The following GOLGA1 variants were observed in gnomAD, a reference collection of about 807,000 sequenced individuals.
GOLGA1 encodes golgin subfamily A member 1.
GOLGA1 carries 63 observed loss-of-function variants against 119.7 expected under a neutral mutation model. That is an observed-to-expected ratio of 0.53 (90% CI 0.43 to 0.65). The LOEUF is 0.65. Among genes scored for constraint, GOLGA1 ranks in the 30% least tolerant of loss-of-function variants. The probability of loss-of-function intolerance (pLI) is 0.00; values close to 1 mark genes in which losing one functional copy is unlikely to be tolerated. For missense variants in GOLGA1, 798 were observed against 912.8 expected (o/e 0.87, Z 1.62); for synonymous variants, 318 against 333.4 (o/e 0.95, Z 0.50).
intron 12 of GOLGA1, among the ~76,000 whole-genome samples, chr9:124,902,725 G>T (rs1238585561): frequency 6.6e-6 from 1 of 150,992 alleles, no homozygotes; most frequent in Non-Finnish European, 1.5e-5. Context: ...TCCTGACCTT[G>T]TGATCCGCCC....
chr9:124,925,661 C>A (rs566734464), intron 7 of GOLGA1, among the ~76,000 whole-genome samples: 2 of 151,980 alleles, frequency 1.3e-5, no homozygotes, highest in Admixed American at 1.3e-4. Context: ...TGAGGCTGCA[C>A]TGAGCTGTGA....
upstream of GOLGA1, chr9:124,943,421 T>C (rs1271899698): frequency 6.6e-6 from 1 of 152,222 alleles, no homozygotes; most frequent in Admixed American, 6.5e-5. Flanking sequence ...AATAGCTAAA[T>C]AGGCAACCAA....
chr9:124,890,563 C>A, intron 15 of GOLGA1, 85 bp from the exon 16 acceptor site: 1 of 1,013,430 alleles, frequency 9.9e-7, no homozygotes, highest in Non-Finnish European at 1.6e-6. Context: ...GCAGACAGGG[C>A]ATGGCTTTGC....
At chr9:124,945,082 G>C (rs1831124053), upstream of GOLGA1, 1 of 152,020 alleles carries the variant, frequency 6.6e-6, no homozygotes, top group Non-Finnish European at 1.5e-5. Context: ...AGACAGACTG[G>C]AATTGTCCAC....
chr9:124,888,107 G>C lies in GOLGA1; in HGVS notation c.1905+146C>G, dbSNP rs1829767098. Reference sequence around the variant, plus strand: ...CAGTGCAGGAGGAACGGAAGATCAGGAGGAAGGCCTTTGGGTGAGAGGGGT... The same window carrying C: ...CAGTGCAGGAGGAACGGAAGATCAGCAGGAAGGCCTTTGGGTGAGAGGGGT... On this transcript the variant is annotated intron_variant, in intron 19 of 22. Coordinates refer to ENST00000373555, the MANE Select transcript of GOLGA1 (RefSeq NM_002077.4). The surrounding 1 kb of genome is among the most constrained non-coding windows in gnomAD (Gnocchi z 4.4). The C allele has an allele frequency of 1.2e-5, 9 of 727,328 alleles. 1 individual carries two copies. The highest frequency in any genetic ancestry group is 3.4e-4 in the Middle Eastern group (1 of 2,980). 45.1% of individuals were successfully genotyped at this position (727,328 alleles called of 1,614,324 possible). A position where few individuals can be genotyped will look rare whatever the true frequency, so the allele number is the denominator to read the frequency against.
chr9:124,941,194 G>C (rs1337611327), upstream of GOLGA1: 4 of 152,298 alleles, frequency 2.6e-5, no homozygotes, highest in African/African-American at 4.8e-5. Context: ...ACCTCTGAGC[G>C]GCGACTGGGC....
chr9:124,935,658 G>GT (rs767634457), intron 3 of GOLGA1, among the ~76,000 whole-genome samples: 15 of 151,764 alleles, frequency 9.9e-5, no homozygotes, highest in Admixed American at 3.3e-4. Flanking sequence ...CTAGCCAAGT[G>GT]TGGCGGTGTG....
chr9:124,905,342 A>C (rs948036538), intron 12 of GOLGA1, among the ~76,000 whole-genome samples: 3 of 152,006 alleles, frequency 2.0e-5, no homozygotes, highest in Admixed American at 6.6e-5. Flanking sequence ...GGCATCTTTT[A>C]ACCCAGCTAC....
At chr9:124,911,194 T>C (rs922031597) in intron 11 of GOLGA1, among the ~76,000 whole-genome samples, 1 of 152,182 alleles carries the variant, frequency 6.6e-6, no homozygotes, top group African/African-American at 2.4e-5. Context: ...GAGAGACTGA[T>C]GCTGGGTAGG....
chr9:124,938,742 C>T lies in GOLGA1; in HGVS notation c.-31G>A, dbSNP rs768941334. ...CTGTGTGGCTATCCTGCACAGATGA[C>T]GAGCTCTCAGTAGTCCTGGTGCCTG... On this transcript the variant is annotated 5_prime_UTR_variant, in exon 3 of 23. Transcript: ENST00000373555. 53 of 1,598,586 alleles carry T rather than the reference C, an allele frequency of 3.3e-5. No homozygotes were observed. In the South Asian group the frequency reaches 5.0e-4, roughly 15 times the overall value.
intron 15 of GOLGA1, among the ~76,000 whole-genome samples, chr9:124,891,199 C>CG (rs1829847365): frequency 1.3e-5 from 2 of 152,270 alleles, no homozygotes; most frequent in Admixed American, 1.3e-4. Context: ...CTCAGAGCCA[C>CG]CTAAGATCCA....
At chr9:124,925,603 T>C (rs1374713967) in intron 7 of GOLGA1, among the ~76,000 whole-genome samples, 1 of 151,982 alleles carries the variant, frequency 6.6e-6, no homozygotes, top group Non-Finnish European at 1.5e-5. Flanking sequence ...CCTGCAGTCC[T>C]GGCTACTCAG....
chr9:124,944,310 T>A (rs1831106820), upstream of GOLGA1: 2 of 151,446 alleles, frequency 1.3e-5, no homozygotes, highest in Admixed American at 1.3e-4. Context: ...CTTTTTTTTT[T>A]TTTTTTGAGA....
rs371409263 is a variant in GOLGA1 at position 124,929,188 on chromosome 9, T to C, written c.301+28A>G. The stretch of plus-strand genomic sequence containing the variant: ...TTTCAAAAACTAAACCTTGAAAAGA[T>C]TGAAAAAAGCAGGAAAAAAATACGT... On this transcript the variant is annotated intron_variant, in intron 5 of 22. Coordinates refer to ENST00000373555, the MANE Select transcript of GOLGA1 (RefSeq NM_002077.4). The C allele has an allele frequency of 2.4e-5, 33 of 1,375,562 alleles. 1 individual carries two copies. Among genetic ancestry groups the C allele is most frequent in the Admixed American group, 6.7e-5 (4 of 59,326 alleles). The allele number at this position is 1,375,562 out of a possible 1,614,324, so 85.2% of individuals were successfully genotyped here.
At chr9:124,899,602 C>T in intron 13 of GOLGA1, 124 bp from the exon 14 acceptor site, 1 of 973,366 alleles carries the variant, frequency 1.0e-6, no homozygotes, top group South Asian at 1.6e-5. Context: ...CCCATCCCCC[C>T]TGGCGTTGCT....
In GOLGA1 at chr9:124,926,742, C is replaced by T; in HGVS notation, c.400-1G>A. 1 of 1,549,448 alleles carries T rather than the reference C, an allele frequency of 6.5e-7. No homozygotes were observed. The highest frequency in any genetic ancestry group is 8.9e-7 in the Non-Finnish European group (1 of 1,128,590). On this transcript the variant is annotated splice_acceptor_variant, in intron 6 of 22. Transcript: ENST00000373555. LOFTEE classifies it high-confidence loss of function. ...GCTGATCCATCTTTTCTGACCATTCCTAAAACAAAACAATAAAAAAGTATG... is the reference window on the plus strand; with the variant it reads ...GCTGATCCATCTTTTCTGACCATTCTTAAAACAAAACAATAAAAAAGTATG...
intron 12 of GOLGA1, among the ~76,000 whole-genome samples, chr9:124,905,813 T>A (rs1221383654): frequency 6.6e-6 from 1 of 152,072 alleles, no homozygotes; most frequent in Non-Finnish European, 1.5e-5. Context: ...TAACCAGAAA[T>A]AACCAATTAT....
intron 10 of GOLGA1, among the ~76,000 whole-genome samples, chr9:124,917,535 CATT>C (rs147685549): frequency 0.011 from 1,663 of 152,208 alleles, 32 homozygotes; most frequent in African/African-American, 0.038. Flanking sequence ...TTTGTCTACC[CATT>C]ATTATCTTCA....
intron 3 of GOLGA1, among the ~76,000 whole-genome samples, chr9:124,935,462 A>T (rs1255113035): frequency 1.3e-5 from 2 of 152,056 alleles, no homozygotes; most frequent in Admixed American, 1.3e-4. Flanking sequence ...GGGATGCTTA[A>T]CCTCTGCTAG....
Sources: allele counts gnomAD v4.1 joint callset (sites outside exome capture counted in the v4.1 genomes callset), GRCh38; gene constraint gnomAD v4.1.1; non-coding constraint Gnocchi (gnomAD v3.1); transcripts MANE v1.5; gene names NCBI Gene and HGNC (gene_info 2026-07-23, HGNC 2026-07-21).